Variants in ACOX2 observed in about 807,000 individuals in gnomAD.
ACOX2 encodes peroxisomal acyl-coenzyme A oxidase 2.
Under a neutral mutation model 77.5 loss-of-function variants are expected in ACOX2, and 59 were observed. That is an observed-to-expected ratio of 0.76 (90% CI 0.62 to 0.95). The LOEUF is 0.95. Among genes scored for constraint, ACOX2 ranks in the 40% least tolerant of loss-of-function variants. ACOX2 has a pLI of 0.00. For missense variants in ACOX2, 837 were observed against 880.4 expected, an observed-to-expected ratio of 0.95 and a Z score of 0.62; for synonymous variants, 317 against 340.1, an observed-to-expected ratio of 0.93 and a Z score of 0.75.
chr3:58,530,321 A>T, intron 8 of ACOX2, 145 bp downstream of exon 8: 1 of 1,237,190 alleles, frequency 8.1e-7, no homozygotes, highest in Non-Finnish European at 1.1e-6. Context: ...GGCTGGGTAG[A>T]TTTTGTGTTT....
intron 1 of ACOX2, among the ~76,000 whole-genome samples, chr3:58,536,124 G>A (rs887879297): frequency 3.3e-5 from 5 of 152,054 alleles, no homozygotes; most frequent in East Asian, 3.9e-4. Flanking sequence ...TCTCTCCTAT[G>A]TCAACTTACT....
Position 58,508,874 on chromosome 3 carries a change from A to G in ACOX2, c.1983+19T>C, listed in dbSNP as rs376522814. 5 of 1,612,876 alleles carry G rather than the reference A, an allele frequency of 3.1e-6. No homozygotes were observed. In the African/African-American group the frequency reaches 6.7e-5, roughly 22 times the overall value. ...TCTCTGCTTTCTTACATAATTTATA[A>G]TGTGTTCCACTCAACTACCTGAGTA... is the stretch of plus-strand genomic sequence containing the variant. On this transcript the variant is annotated intron_variant, in intron 14 of 14. Transcript: ENST00000302819.
chr3:58,517,105 G>C (rs2063326284), intron 13 of ACOX2, 101 bp downstream of exon 13: 5 of 1,254,246 alleles, frequency 4.0e-6, no homozygotes, highest in Admixed American at 1.9e-5. Context: ...GGCTGTTGCT[G>C]CTCTGCCCAT....
At position 58,515,860 on chromosome 3, in the gene ACOX2, C is replaced by G. The variant is rs1412399111; in HGVS notation, c.1850+1346G>C. The stretch of plus-strand genomic sequence containing the variant: ...TGGTGTGATCATAGCTTACTGCAAC[C>G]TCAACCTCCTGGGATCAATCAATCC... On this transcript the variant is annotated intron_variant, in intron 13 of 14. Coordinates refer to ENST00000302819, the MANE Select transcript of ACOX2 (RefSeq NM_003500.4). The surrounding 1 kb of genome is among the most constrained non-coding windows in gnomAD (Gnocchi z 4.0). 6.6e-6 allele frequency among the ~76,000 whole-genome samples: 1 copy of G among 152,008 alleles called. No homozygotes were observed.
chr3:58,508,391 T>C (rs2063249670), intron 14 of ACOX2, among the ~76,000 whole-genome samples: 1 of 152,200 alleles, frequency 6.6e-6, no homozygotes, highest in Non-Finnish European at 1.5e-5. Flanking sequence ...TTGGATTGTA[T>C]TCCTTAGAGT....
At chr3:58,511,947 G>C (rs2107989206) in intron 13 of ACOX2, among the ~76,000 whole-genome samples, 1 of 152,256 alleles carries the variant, frequency 6.6e-6, no homozygotes, top group East Asian at 1.9e-4. Flanking sequence ...TCTTGCGAGG[G>C]TCTCAAGACT....
intron 5 of ACOX2, among the ~76,000 whole-genome samples, chr3:58,532,769 T>C (rs1356202187): frequency 1.3e-5 from 2 of 152,210 alleles, no homozygotes; most frequent in African/African-American, 2.4e-5. Flanking sequence ...CCTGCTTTAG[T>C]TGGGCTCAGC....
chr3:58,529,604 G>A (rs769941863), intron 8 of ACOX2, among the ~76,000 whole-genome samples: 5 of 152,332 alleles, frequency 3.3e-5, no homozygotes, highest in Admixed American at 6.5e-5. Flanking sequence ...CTGCAGCCCA[G>A]ATAAATGGGC....
rs978721337 is a variant in ACOX2, at chr3:58,528,710, G to T, written c.1155+84C>A. ...GGGGGTGGGGAGTGCCCATGGGGATGGGGCTGTGGCTGCTCCCCAGTGAGT... is the reference window on the plus strand; with the variant it reads ...GGGGGTGGGGAGTGCCCATGGGGATTGGGCTGTGGCTGCTCCCCAGTGAGT... On this transcript the variant is annotated intron_variant, in intron 9 of 14. Transcript: ENST00000302819. The surrounding 1 kb of genome is among the most constrained non-coding windows in gnomAD (Gnocchi z 5.6). 5 of 1,450,352 alleles carry T rather than the reference G, an allele frequency of 3.4e-6. No individual in the cohort carries two copies. Among genetic ancestry groups the T allele is most frequent in the Non-Finnish European group, 4.6e-6 (5 of 1,095,828 alleles). The allele number at this position is 1,450,352 out of a possible 1,614,324, so 89.8% of individuals were successfully genotyped here. A position where few individuals can be genotyped will look rare whatever the true frequency, so the allele number is the denominator to read the frequency against.
chr3:58,511,099 C>G (rs1486110955), intron 13 of ACOX2: 1 of 456,116 alleles, frequency 2.2e-6, no homozygotes, highest in Non-Finnish European at 4.4e-6. Flanking sequence ...AGTTCCCACC[C>G]TTGCATTTAT....
intron 12 of ACOX2, among the ~76,000 whole-genome samples, chr3:58,520,350 C>T (rs988235336): frequency 2.0e-5 from 3 of 152,246 alleles, no homozygotes; most frequent in Non-Finnish European, 4.4e-5. Context: ...CCACAGGAGA[C>T]TGAGGCTGGA....
chr3:58,526,590 A>T lies in ACOX2; in HGVS notation c.1222T>A (p.Cys408Ser). 7 of 1,614,206 alleles carry T rather than the reference A, an allele frequency of 4.3e-6. No individual in the cohort carries two copies. Among genetic ancestry groups the T allele is most frequent in the Non-Finnish European group, 5.9e-6 (7 of 1,180,032 alleles). ...CCATGTCCGCCACAGGCCCTGCGGC[A>T]CATCTCAGCTCCCTGGGTGCAGAAT... is the stretch of plus-strand genomic sequence containing the variant. ...SEFCTQGAEM[C>S]RRACGGHGYS... Residue 408 changes from cysteine to serine, a missense_variant, in exon 10 of 15, where the codon TGC (cysteine) becomes AGC (serine). Transcript: ENST00000302819. This position sits in a 1 kb window ranked among gnomAD's most constrained non-coding sequence, Gnocchi z 4.3.
At position 58,535,030 on chromosome 3, in the gene ACOX2, C is replaced by A. The variant is rs1200192757; in HGVS notation, c.77G>T (p.Arg26Met). The change falls in exon 2 of 15, where the codon AGG (arginine) becomes ATG (methionine). Residue 26 changes from arginine (R) to methionine (M), a missense_variant. Arg to Met is a moderately conservative substitution (Grantham distance 91, BLOSUM62 -1). Coordinates refer to ENST00000302819, the MANE Select transcript of ACOX2 (RefSeq NM_003500.4). This position sits in a 1 kb window ranked among gnomAD's most constrained non-coding sequence, Gnocchi z 4.8. ...RQMHPDIESE[R>M]YMQSFDVERL... ...TTCCACGTCAAAGGACTGCATATAC[C>A]TCTCGCTCTCTATGTCGGGGTGCAT... 6.2e-7 allele frequency: 1 copy of A among 1,614,222 alleles called. No individual in the cohort carries two copies. The highest frequency in any genetic ancestry group is 2.2e-5 in the East Asian group (1 of 44,884).
In ACOX2 at chr3:58,533,750, G is replaced by T; in HGVS notation, c.476-198C>A. 1 of 668,360 alleles carries T rather than the reference G, an allele frequency of 1.5e-6. No homozygotes were observed. 41.4% of individuals were successfully genotyped at this position (668,360 alleles called of 1,614,324 possible). On this transcript the variant is annotated intron_variant, in intron 4 of 14. Coordinates refer to ENST00000302819, the MANE Select transcript of ACOX2 (RefSeq NM_003500.4). This position sits in a 1 kb window ranked among gnomAD's most constrained non-coding sequence, Gnocchi z 5.6. ...ACACAGTCCCCTATAGCCAGTCCAT[G>T]AGAAGGGGTGGCTGCTGATGTTTCC...
chr3:58,516,535 T>G (rs1481748049), intron 13 of ACOX2, among the ~76,000 whole-genome samples: 1 of 152,194 alleles, frequency 6.6e-6, no homozygotes, highest in African/African-American at 2.4e-5. Context: ...GTCACATAAG[T>G]GCTCTTTAAA....
Position 58,528,935 on chromosome 3 carries a change from C to T in ACOX2, c.1014G>A (p.Leu338=), listed in dbSNP as rs2063416864. 1.2e-6 allele frequency: 2 copies of T among 1,611,866 alleles called. No homozygotes were observed. Among genetic ancestry groups the T allele is most frequent in the East Asian group, 2.2e-5 (1 of 44,870 alleles). The part of the protein sequence containing the change: ...LRPSDPEAKV[L]DYQTQQQKLF... The stretch of plus-strand genomic sequence containing the variant: ...GTTTCTGCTGTTGTGTCTGGTAGTC[C>T]AGGACCTTTGCCTCTGGGTCACTGA... The change falls in exon 9 of 15, where the codon CTG becomes CTA. Residue 338 remains leucine, a synonymous_variant. Transcript: ENST00000302819. The surrounding 1 kb of genome is among the most constrained non-coding windows in gnomAD (Gnocchi z 5.6).
intron 12 of ACOX2, among the ~76,000 whole-genome samples, chr3:58,520,461 C>G (rs746280205): frequency 6.6e-6 from 1 of 152,270 alleles, no homozygotes; most frequent in Non-Finnish European, 1.5e-5. Context: ...GCCTAAAGGG[C>G]TCTTCCATGC....
At position 58,517,173 on chromosome 3, in the gene ACOX2, A is replaced by G. The variant is rs938774564; in HGVS notation, c.1850+33T>C. The G allele has an allele frequency of 5.6e-6, 9 of 1,606,584 alleles. No individual in the cohort carries two copies. In the African/African-American group the frequency reaches 1.2e-4, roughly 21 times the overall value. ...AACAAGGGGTAGGGTTATTCTCTGA[A>G]GACTAACATGGTTTGAAGTCTCTGC... On this transcript the variant is annotated intron_variant, in intron 13 of 14. Transcript: ENST00000302819.
In ACOX2 at chr3:58,522,535, A is replaced by C. The variant is rs748005627; in HGVS notation, c.1593T>G (p.Ala531=). The stretch of plus-strand genomic sequence containing the variant: ...GGTGTATGACAGTGGTCTGGTTCCA[A>C]GCCTCGTGCTGGTCAGCTCCGGATT... ...LTQSGADQHE[A]WNQTTVIHLQ... The change falls in exon 12 of 15, where the codon GCT becomes GCG. Residue 531 remains alanine (A), a synonymous_variant. Transcript: ENST00000302819. The surrounding 1 kb of genome is among the most constrained non-coding windows in gnomAD (Gnocchi z 4.3). 3.1e-6 allele frequency: 5 copies of C among 1,614,046 alleles called. No homozygotes were observed. The highest frequency in any genetic ancestry group is 4.2e-6 in the Non-Finnish European group (5 of 1,180,034).
Sources: gnomAD v4.1 joint callset for allele counts (sites outside exome capture counted in the v4.1 genomes callset) on GRCh38, gnomAD v4.1.1 for gene constraint, Gnocchi (gnomAD v3.1) non-coding constraint, MANE v1.5 for transcripts, NCBI Gene and HGNC (gene_info 2026-07-23, HGNC 2026-07-21) for gene names.